LIPC: variants seen among roughly 807,000 people sequenced by gnomAD.
The protein encoded by LIPC is lipase C, hepatic type, also known as hepatic triacylglycerol lipase.
LIPC carries 44 observed loss-of-function variants against 50.7 expected under a neutral mutation model. That is an observed-to-expected ratio of 0.87 (90% CI 0.68 to 1.11). The LOEUF (loss-of-function observed/expected upper bound fraction) is 1.11. LIPC is among the 50% of genes most tolerant of loss of function. LIPC has a pLI of 0.00. For missense variants in LIPC, 697 were observed against 648.2 expected (o/e 1.08, Z -0.82); for synonymous variants, 271 against 256.4 (o/e 1.06, Z -0.54).
At position 58,565,920 on chromosome 15, in the gene LIPC, A is replaced by C. The variant is rs867134837; in HGVS notation, c.1388+2197A>C. On this transcript the variant is annotated intron_variant, in intron 8 of 8. Coordinates refer to ENST00000299022, the MANE Select transcript of LIPC (RefSeq NM_000236.3). ...AGGTACTATCGGAGAATACAAAAAA[A>C]AAAAAAAAAATCTGAGTTGTGGCTC... The C allele has an allele frequency of 2.3e-5, 23 of 985,104 alleles. No individual in the cohort carries two copies. In the African/African-American group the frequency reaches 3.7e-4, roughly 16 times the overall value. The allele number at this position is 985,104 out of a possible 1,614,324, so 61.0% of individuals were successfully genotyped here.
chr15:58,539,174 G>A (rs535358829), intron 2 of LIPC, among the ~76,000 whole-genome samples: 1 of 152,262 alleles, frequency 6.6e-6, no homozygotes, highest in Admixed American at 6.5e-5. Context: ...AGTAAAAGAT[G>A]TACACAAAGG....
At chr15:58,502,089 G>T (rs141876376) in intron 1 of LIPC, among the ~76,000 whole-genome samples, 217 of 152,268 alleles carry the variant, frequency 1.4e-3, no homozygotes, top group Admixed American at 3.4e-3. Context: ...TGACCAGAGG[G>T]CAATGCCAGG....
intron 1 of LIPC, among the ~76,000 whole-genome samples, chr15:58,486,428 G>A (rs2140790457): frequency 6.6e-6 from 1 of 152,340 alleles, no homozygotes; most frequent in East Asian, 1.9e-4. Context: ...GGCAAGCCCA[G>A]CAAGTATCCA....
At chr15:58,558,836 C>G (rs1894053351) in intron 6 of LIPC, among the ~76,000 whole-genome samples, 1 of 152,212 alleles carries the variant, frequency 6.6e-6, no homozygotes. Context: ...GCAGAAAACT[C>G]TTGGCCAATA....
At chr15:58,566,628 G>A (rs1216458478) in intron 8 of LIPC, among the ~76,000 whole-genome samples, 1 of 152,132 alleles carries the variant, frequency 6.6e-6, no homozygotes, top group Non-Finnish European at 1.5e-5. Flanking sequence ...GAAATTCAGT[G>A]GAAGGTGGTT....
At chr15:58,535,571 T>C (rs1253052631) in intron 1 of LIPC, among the ~76,000 whole-genome samples, 3 of 152,094 alleles carry the variant, frequency 2.0e-5, no homozygotes, top group Non-Finnish European at 4.4e-5. Flanking sequence ...CCAGAGTAAA[T>C]ATACACAAGA....
intron 1 of LIPC, among the ~76,000 whole-genome samples, chr15:58,530,688 A>G (rs1454676297): frequency 1.3e-5 from 2 of 152,226 alleles, no homozygotes; most frequent in Non-Finnish European, 2.9e-5. Flanking sequence ...CCCTGGACCC[A>G]GGAAATCACT....
chr15:58,483,192 A>T (rs1891251028), intron 1 of LIPC, among the ~76,000 whole-genome samples: 1 of 152,198 alleles, frequency 6.6e-6, no homozygotes, highest in African/African-American at 2.4e-5. Context: ...GCATTACTGA[A>T]ATTCAATGTA....
At position 58,545,883 on chromosome 15, in the gene LIPC, G is replaced by A; in HGVS notation, c.716G>A (p.Gly239Glu). 1.2e-6 allele frequency: 2 copies of A among 1,614,172 alleles called. No homozygotes were observed. Among genetic ancestry groups the A allele is most frequent in the South Asian group, 2.2e-5 (2 of 91,078 alleles). ...AGCGTGGGCATCAAACAGCCCATAG[G>A]ACACTATGACTTCTATCCCAACGGG... The part of the protein sequence containing the change: ...GLSVGIKQPI[G>E]HYDFYPNGGS... Residue 239 changes from glycine (G) to glutamate (E), a missense_variant, in exon 5 of 9, where the codon GGA (glycine) becomes GAA (glutamate). Transcript: ENST00000299022.
In LIPC at chr15:58,459,770, G is replaced by A. The variant is rs146280988; in HGVS notation, c.88+27650G>A. Among the ~76,000 whole-genome samples the A allele has an allele frequency of 2.7e-3, 408 of 152,328 alleles. 1 individual carries two copies. The highest frequency in any genetic ancestry group is 9.0e-3 in the African/African-American group (374 of 41,582). The stretch of plus-strand genomic sequence containing the variant: ...CACCCGTCCCCAAGGACGCCTGCAC[G>A]GGAACAGATGCCCGCTCCCTTACCC... On this transcript the variant is annotated intron_variant, in intron 1 of 8. Transcript: ENST00000299022.
chr15:58,505,194 C>A (rs1279013306), intron 1 of LIPC, among the ~76,000 whole-genome samples: 1 of 152,222 alleles, frequency 6.6e-6, no homozygotes, highest in Non-Finnish European at 1.5e-5. Context: ...TACAGCCGGC[C>A]ATCAGGGTGC....
At chr15:58,488,574 C>A (rs1221188072) in intron 1 of LIPC, among the ~76,000 whole-genome samples, 2 of 152,182 alleles carry the variant, frequency 1.3e-5, no homozygotes, top group Admixed American at 6.5e-5. Context: ...CTATATGAAC[C>A]TGGAATCACT....
At chr15:58,450,525 GT>G (rs565046720) in intron 1 of LIPC, among the ~76,000 whole-genome samples, 89 of 152,314 alleles carry the variant, frequency 5.8e-4, no homozygotes, top group African/African-American at 2.1e-3. Flanking sequence ...ATTTTATTAA[GT>G]TTCAGTGAAC....
Position 58,545,948 on chromosome 15 carries a change from A to G in LIPC, c.781A>G (p.Arg261Gly). 6.2e-7 allele frequency: 1 copy of G among 1,614,062 alleles called. No individual in the cohort carries two copies. The highest frequency in any genetic ancestry group is 8.5e-7 in the Non-Finnish European group (1 of 1,179,914). ...QPGCHFLELY[R>G]HIAQHGFNAI... ...TGGCTGCCACTTCCTAGAGCTCTAC[A>G]GACATATTGCCCAGCACGGCTTCAA... is the stretch of plus-strand genomic sequence containing the variant. The change falls in exon 5 of 9, where the codon AGA (arginine) becomes GGA (glycine). Residue 261 changes from arginine (R) to glycine (G), a missense_variant. By Grantham distance (125) the Arg-to-Gly change is moderately radical (BLOSUM62 -2). Transcript: ENST00000299022.
At chr15:58,558,589 CA>C (rs1209339498) in intron 6 of LIPC, among the ~76,000 whole-genome samples, 2 of 152,254 alleles carry the variant, frequency 1.3e-5, no homozygotes, top group African/African-American at 2.4e-5. Context: ...AGAGCAGTGG[CA>C]ACATAAGATC....
In LIPC at chr15:58,509,643, A is replaced by G. The variant is rs554954066; in HGVS notation, c.89-28690A>G. 2.0e-5 allele frequency among the ~76,000 whole-genome samples: 3 copies of G among 152,062 alleles called. No individual in the cohort carries two copies. In the East Asian group the frequency reaches 5.8e-4, roughly 29 times the overall value. ...ATAATAGCCATACTATGGCTTACCA[A>G]CTCCCCAGTAAGCCAGGACTCTCTG... On this transcript the variant is annotated intron_variant, in intron 1 of 8. Transcript: ENST00000299022.
At chr15:58,483,861 T>C (rs1891274824) in intron 1 of LIPC, among the ~76,000 whole-genome samples, 1 of 152,218 alleles carries the variant, frequency 6.6e-6, no homozygotes, top group South Asian at 2.1e-4. Context: ...TGACTGCTAA[T>C]CAAATATCTT....
intron 1 of LIPC, among the ~76,000 whole-genome samples, chr15:58,440,642 G>A (rs1448385628): frequency 6.6e-6 from 1 of 152,192 alleles, no homozygotes; most frequent in Non-Finnish European, 1.5e-5. Flanking sequence ...GTTGGAGATT[G>A]GGAGAGGCGC....
intron 1 of LIPC, among the ~76,000 whole-genome samples, chr15:58,507,204 G>T (rs1447431667): frequency 1.6e-4 from 24 of 152,164 alleles, no homozygotes; most frequent in African/African-American, 5.8e-4. Flanking sequence ...AATAAAATTG[G>T]TTTTCACAAT....
Sources: allele counts gnomAD v4.1 joint callset (sites outside exome capture counted in the v4.1 genomes callset), GRCh38; gene constraint gnomAD v4.1.1; transcripts MANE v1.5; gene names NCBI Gene and HGNC (gene_info 2026-07-23, HGNC 2026-07-21).